Variants in SOX5 observed in about 807,000 individuals in gnomAD.
SOX5 encodes the protein SRY-box transcription factor 5.
In SOX5, 9 loss-of-function variants were observed where a neutral mutation model predicts 92.0. That is an observed-to-expected ratio of 0.10 (90% CI 0.06 to 0.17). The LOEUF (loss-of-function observed/expected upper bound fraction) is 0.17. Ranked by LOEUF, SOX5 falls within the 10% of genes least tolerant of loss-of-function variation. The pLI is 1.00. For missense variants in SOX5, 642 were observed against 944.5 expected, an observed-to-expected ratio of 0.68 and a Z score of 4.20; for synonymous variants, 344 against 336.3, an observed-to-expected ratio of 1.02 and a Z score of -0.25.
At chr12:23,614,413 G>C (rs908667117) in intron 8 of SOX5, among the ~76,000 whole-genome samples, 1 of 152,224 alleles carries the variant, frequency 6.6e-6, no homozygotes, top group Non-Finnish European at 1.5e-5. Context: ...AATGCTGGAA[G>C]AGACTGTAGA....
chr12:24,307,204 C>T (rs1324920148), intron 2 of SOX5, among the ~76,000 whole-genome samples: 5 of 152,150 alleles, frequency 3.3e-5, no homozygotes, highest in African/African-American at 4.8e-5. Flanking sequence ...ATTTCATCCC[C>T]ACCAGGGTCC....
intron 4 of SOX5, among the ~76,000 whole-genome samples, chr12:24,125,125 A>G (rs1169439599): frequency 6.6e-6 from 1 of 152,250 alleles, no homozygotes; most frequent in Non-Finnish European, 1.5e-5. Context: ...CAATGCAAAT[A>G]CAATTCCCCA....
intron 1 of SOX5, among the ~76,000 whole-genome samples, chr12:24,441,554 T>C (rs1182778296): frequency 6.6e-6 from 1 of 152,182 alleles, no homozygotes; most frequent in Non-Finnish European, 1.5e-5. Flanking sequence ...TGATTTTTTT[T>C]CCCCTTTATA....
At chr12:24,452,803 C>T (rs145939019) in intron 1 of SOX5, among the ~76,000 whole-genome samples, 31 of 152,260 alleles carry the variant, frequency 2.0e-4, no homozygotes, top group African/African-American at 6.7e-4. Flanking sequence ...CTTGATTCTA[C>T]CTTTCTTTCT....
At chr12:23,572,836 G>A (rs1158479070) in intron 10 of SOX5, among the ~76,000 whole-genome samples, 1 of 151,610 alleles carries the variant, frequency 6.6e-6, no homozygotes, top group Non-Finnish European at 1.5e-5. Flanking sequence ...AAGCACACAT[G>A]TGTCTGAAAC....
Position 23,862,348 on chromosome 12 carries a change from T to C in SOX5, c.271-16155A>G, listed in dbSNP as rs528149064. Among the ~76,000 whole-genome samples the C allele has an allele frequency of 2.6e-5, 4 of 152,106 alleles. No individual in the cohort carries two copies. In the East Asian group the frequency reaches 5.8e-4, roughly 22 times the overall value. On this transcript the variant is annotated intron_variant, in intron 2 of 14. Transcript: ENST00000451604. Reference sequence around the variant, plus strand: ...GAGCAATAATATTGAGAGAAGAAATTTGTCTACTATTGAAAATAGGAGCAG... The same window carrying C: ...GAGCAATAATATTGAGAGAAGAAATCTGTCTACTATTGAAAATAGGAGCAG...
chr12:23,898,072 C>T (rs2097195378), intron 1 of SOX5, among the ~76,000 whole-genome samples: 1 of 152,166 alleles, frequency 6.6e-6, no homozygotes, highest in Non-Finnish European at 1.5e-5. Context: ...TAACCCATGA[C>T]ACTAGAGATA....
At position 24,025,747 on chromosome 12, in the gene SOX5, TA is replaced by T. The variant is rs542184728; in HGVS notation, c.-1-129724del. 1.5e-4 allele frequency among the ~76,000 whole-genome samples: 23 copies of T among 152,090 alleles called. No homozygotes were observed. In the East Asian group the frequency reaches 4.3e-3, roughly 28 times the overall value. ...TAATTCACAAATAAAATAGCACACC[TA>T]AAAAATACCAATGACTGCAATTACT... On this transcript the variant is annotated intron_variant, in intron 4 of 4. Transcript: ENST00000446891.
chr12:24,319,285 C>T (rs1473459281), intron 2 of SOX5, among the ~76,000 whole-genome samples: 1 of 152,186 alleles, frequency 6.6e-6, no homozygotes, highest in Admixed American at 6.5e-5. Flanking sequence ...ATATTCTCTC[C>T]CTTTCCCTGT....
intron 4 of SOX5, among the ~76,000 whole-genome samples, chr12:24,171,217 G>T (rs12369876): frequency 0.32 from 13,163 of 41,118 alleles, 3,094 homozygotes; most frequent in Non-Finnish European, 0.39. Flanking sequence ...AGTTTTTTTT[G>T]TTTGTTTGTT....
intron 8 of SOX5, among the ~76,000 whole-genome samples, chr12:23,634,269 T>C (rs1024577851): frequency 1.3e-5 from 2 of 151,988 alleles, no homozygotes; most frequent in South Asian, 4.1e-4. Flanking sequence ...AGAAAGACAA[T>C]AAATAAGAAA....
chr12:23,584,808 G>C (rs1335905808), intron 9 of SOX5, among the ~76,000 whole-genome samples: 1 of 151,914 alleles, frequency 6.6e-6, no homozygotes, highest in Non-Finnish European at 1.5e-5. Flanking sequence ...AAAAGGCTAG[G>C]GAAGCCTAAG....
chr12:23,975,095 C>A (rs1216501267), intron 4 of SOX5, among the ~76,000 whole-genome samples: 1 of 151,746 alleles, frequency 6.6e-6, no homozygotes, highest in African/African-American at 2.4e-5. Flanking sequence ...TTGTTTAGTA[C>A]TTGTATAGTC....
At chr12:23,999,839 T>C (rs1951427591) in intron 4 of SOX5, among the ~76,000 whole-genome samples, 1 of 151,366 alleles carries the variant, frequency 6.6e-6, no homozygotes, top group Non-Finnish European at 1.5e-5. Context: ...AATGAGAGAG[T>C]ACTGTTATAT....
chr12:23,913,533 C>T (rs982380319), intron 1 of SOX5, among the ~76,000 whole-genome samples: 1 of 151,814 alleles, frequency 6.6e-6, no homozygotes, highest in Non-Finnish European at 1.5e-5. Context: ...GTCGGGAGTT[C>T]GAGACCAGCC....
Position 24,142,950 on chromosome 12 carries a change from T to C in SOX5, c.-2+70393A>G, listed in dbSNP as rs149358517. Reference sequence around the variant, plus strand: ...CTGGTCAGCACGTGTGCAAGGAAACTGCCCAAGGCAGGGAAAAGAGCCACT... The same window carrying C: ...CTGGTCAGCACGTGTGCAAGGAAACCGCCCAAGGCAGGGAAAAGAGCCACT... On this transcript the variant is annotated intron_variant, in intron 4 of 4. Transcript: ENST00000446891. Among the ~76,000 whole-genome samples the C allele has an allele frequency of 5.1e-3, 772 of 151,736 alleles. 9 individuals are homozygous for C. The highest frequency in any genetic ancestry group is 0.018 in the African/African-American group (726 of 41,296).
At chr12:23,817,622 T>C (rs537157442) in intron 3 of SOX5, among the ~76,000 whole-genome samples, 5 of 152,338 alleles carry the variant, frequency 3.3e-5, no homozygotes, top group South Asian at 2.1e-4. Context: ...GCTAGACCAG[T>C]CATAATAACC....
intron 2 of SOX5, among the ~76,000 whole-genome samples, chr12:24,350,255 C>T (rs1406672906): frequency 6.6e-6 from 1 of 152,234 alleles, no homozygotes; most frequent in African/African-American, 2.4e-5. Context: ...CCAGCCAGCA[C>T]AGAGATCTGC....
intron 6 of SOX5, among the ~76,000 whole-genome samples, chr12:23,710,950 G>A (rs1192961621): frequency 2.0e-5 from 3 of 152,054 alleles, no homozygotes; most frequent in Non-Finnish European, 4.4e-5. Flanking sequence ...GTGTGAGATG[G>A]TATCTAATTG....
Sources: gnomAD v4.1 joint callset for allele counts (sites outside exome capture counted in the v4.1 genomes callset) on GRCh38, gnomAD v4.1.1 for gene constraint, MANE v1.5 for transcripts, NCBI Gene and HGNC (gene_info 2026-07-23, HGNC 2026-07-21) for gene names.